The following MGAT4C variants were observed in gnomAD, a reference collection of about 807,000 sequenced individuals.
The protein encoded by MGAT4C is alpha-1,3-mannosyl-glycoprotein 4-beta-N-acetylglucosaminyltransferase C.
Under a neutral mutation model 40.1 loss-of-function variants are expected in MGAT4C, and 19 were observed. That is an observed-to-expected ratio of 0.47 (90% CI 0.33 to 0.70). The LOEUF is 0.70. Among genes scored for constraint, MGAT4C ranks in the 30% least tolerant of loss-of-function variants. The pLI is 0.02. For missense variants in MGAT4C, 491 were observed against 563.2 expected, an observed-to-expected ratio of 0.87 and a Z score of 1.30; for synonymous variants, 181 against 187.1, an observed-to-expected ratio of 0.97 and a Z score of 0.27.
rs376988175 is a variant in MGAT4C at position 86,676,316 on chromosome 12, T to G, written c.-229+50893A>C. ...CCTGTAGAGAACATGGTGGAAAGCA[T>G]GGAAAGCTTAATTTTAAATAATTAG... is the stretch of plus-strand genomic sequence containing the variant. On this transcript the variant is annotated intron_variant, in intron 2 of 7. Transcript: ENST00000548651. Among the ~76,000 whole-genome samples the G allele has an allele frequency of 3.9e-5, 6 of 152,188 alleles. No homozygotes were observed. In the South Asian group the frequency reaches 1.2e-3, roughly 31 times the overall value.
At chr12:86,039,338 C>T (rs1240130648) in intron 2 of MGAT4C, among the ~76,000 whole-genome samples, 2 of 152,180 alleles carry the variant, frequency 1.3e-5, no homozygotes, top group Non-Finnish European at 1.5e-5. Context: ...CCATTCTCCT[C>T]ATCACTTTCA....
intron 4 of MGAT4C, among the ~76,000 whole-genome samples, chr12:86,288,424 G>A (rs999188736): frequency 1.3e-5 from 2 of 152,112 alleles, no homozygotes; most frequent in African/African-American, 4.8e-5. Flanking sequence ...CTTTGCCCAT[G>A]CCTATGTCCT....
chr12:86,337,908 G>C, intron 3 of MGAT4C, among the ~76,000 whole-genome samples: 1 of 152,112 alleles, frequency 6.6e-6, no homozygotes, highest in East Asian at 1.9e-4. Context: ...TTTTATAAGA[G>C]AATTGTTTAA....
intron 1 of MGAT4C, among the ~76,000 whole-genome samples, chr12:86,169,795 C>A (rs1338970055): frequency 6.6e-6 from 1 of 152,116 alleles, no homozygotes; most frequent in Non-Finnish European, 1.5e-5. Flanking sequence ...GAGTATATTT[C>A]ACTCTCAAAA....
intron 2 of MGAT4C, among the ~76,000 whole-genome samples, chr12:86,693,650 A>G (rs1950208100): frequency 6.6e-6 from 1 of 152,176 alleles, no homozygotes. Context: ...TTTAGAAGCA[A>G]AGAAAATGTA....
At position 85,964,878 on chromosome 12, in the gene MGAT4C, C is replaced by T. The variant is rs1291053578; in HGVS notation, c.*14411G>A. The T allele has an allele frequency of 6.6e-6, 1 of 152,054 alleles. No homozygotes were observed. The highest frequency in any genetic ancestry group is 1.5e-5 in the Non-Finnish European group (1 of 68,018). 9.4% of individuals were successfully genotyped at this position (152,054 alleles called of 1,614,324 possible). A position where few individuals can be genotyped will look rare whatever the true frequency, so the allele number is the denominator to read the frequency against. On this transcript the variant is annotated 3_prime_UTR_variant, in exon 5 of 5. Transcript: ENST00000611864. ...CATCTGTGGGCTAATGTCTGAAAGTCCTATGATTAAACTCACTTTTATGTA... is the reference window on the plus strand; with the variant it reads ...CATCTGTGGGCTAATGTCTGAAAGTTCTATGATTAAACTCACTTTTATGTA...
chr12:86,510,828 C>A (rs1041514750), intron 2 of MGAT4C, among the ~76,000 whole-genome samples: 2 of 152,084 alleles, frequency 1.3e-5, no homozygotes, highest in Non-Finnish European at 2.9e-5. Flanking sequence ...CAGGAGCACC[C>A]AGATTCATAA....
At position 86,774,380 on chromosome 12, in the gene MGAT4C, GTC is replaced by G. The variant is rs1331653153; in HGVS notation, c.-261-47141_-261-47140del. ...CCTCTCTCTCTCTCTCTTTCTGTCT[GTC>G]TCTCTCTCTCTCTCCTCTCTCTCTC... On this transcript the variant is annotated intron_variant, in intron 1 of 7. Coordinates refer to the MGAT4C transcript ENST00000548651. 9.6e-5 allele frequency among the ~76,000 whole-genome samples: 5 copies of G among 52,356 alleles called. 1 individual carries two copies. Among genetic ancestry groups the G allele is most frequent in the South Asian group, 8.4e-4 (1 of 1,196 alleles). The allele number at this position is 52,356 out of a possible 152,430, so 34.3% of individuals were successfully genotyped here.
chr12:86,565,048 G>A (rs1010208648), intron 2 of MGAT4C, among the ~76,000 whole-genome samples: 1 of 152,150 alleles, frequency 6.6e-6, no homozygotes, highest in Non-Finnish European at 1.5e-5. Context: ...CTCTTCTTGA[G>A]AGACAGCTCT....
intron 1 of MGAT4C, among the ~76,000 whole-genome samples, chr12:86,145,241 A>G (rs1883356046): frequency 6.6e-6 from 1 of 152,200 alleles, no homozygotes; most frequent in Non-Finnish European, 1.5e-5. Context: ...TGGGAGATCC[A>G]ACATTAACAC....
chr12:86,673,556 TAATA>T lies in MGAT4C; in HGVS notation c.-229+53649_-229+53652del, dbSNP rs952263080. Among the ~76,000 whole-genome samples, 38 of 152,204 alleles carry T rather than the reference TAATA, an allele frequency of 2.5e-4. No individual in the cohort carries two copies. In the East Asian group the frequency reaches 5.6e-3, roughly 22 times the overall value. On this transcript the variant is annotated intron_variant, in intron 2 of 7. Transcript: ENST00000548651. ...TATGCATTTTAATATATGCATAACA[TAATA>T]ATATTTTATTATGATAATAACTAAT...
At chr12:85,995,046 C>A (rs1481593222) in intron 2 of MGAT4C, among the ~76,000 whole-genome samples, 2 of 152,214 alleles carry the variant, frequency 1.3e-5, no homozygotes, top group African/African-American at 4.8e-5. Flanking sequence ...AAAGTATTAA[C>A]ATTTTTACCC....
intron 2 of MGAT4C, among the ~76,000 whole-genome samples, chr12:86,674,093 A>G (rs1964331027): frequency 6.6e-6 from 1 of 152,144 alleles, no homozygotes; most frequent in Admixed American, 6.5e-5. Context: ...AGACAATTAA[A>G]CAACCACAAA....
At position 86,154,206 on chromosome 12, in the gene MGAT4C, C is replaced by G. The variant is rs527420670; in HGVS notation, c.-57+102033G>C. On this transcript the variant is annotated intron_variant, in intron 1 of 4. Transcript: ENST00000611864. ...CCTTGGACTGACCCAGTTCTCCCCC[C>G]ACCATTTCTTGCTTATAGTTCTCAA... Among the ~76,000 whole-genome samples the G allele has an allele frequency of 8.9e-4, 135 of 152,214 alleles. 1 individual carries two copies. The highest frequency in any genetic ancestry group is 3.2e-3 in the African/African-American group (133 of 41,534).
At chr12:86,218,202 A>C (rs986480396) in intron 1 of MGAT4C, among the ~76,000 whole-genome samples, 1 of 152,048 alleles carries the variant, frequency 6.6e-6, no homozygotes, top group African/African-American at 2.4e-5. Flanking sequence ...AAGAAAGTTA[A>C]ATCCTAATAG....
chr12:86,102,703 T>C (rs1875325521), intron 1 of MGAT4C, among the ~76,000 whole-genome samples: 1 of 152,140 alleles, frequency 6.6e-6, no homozygotes, highest in African/African-American at 2.4e-5. Context: ...AAAGATATCA[T>C]TCTAATATAA....
intron 2 of MGAT4C, chr12:86,002,293 G>T (rs906326386): frequency 6.6e-6 from 1 of 152,202 alleles, no homozygotes; most frequent in Admixed American, 6.6e-5. Context: ...GAGACATCCA[G>T]ATAGGTGCTT....
At chr12:86,769,986 C>T (rs890558292) in intron 1 of MGAT4C, among the ~76,000 whole-genome samples, 2 of 151,862 alleles carry the variant, frequency 1.3e-5, no homozygotes, top group Non-Finnish European at 1.5e-5. Flanking sequence ...ATATTGTGCA[C>T]ATGTACCCTA....
chr12:86,780,004 T>C (rs1765730433), intron 1 of MGAT4C, among the ~76,000 whole-genome samples: 1 of 151,910 alleles, frequency 6.6e-6, no homozygotes, highest in Non-Finnish European at 1.5e-5. Flanking sequence ...TGGCCAAAAT[T>C]AATGCAATAC....
Sources: allele counts gnomAD v4.1 joint callset (sites outside exome capture counted in the v4.1 genomes callset), GRCh38; gene constraint gnomAD v4.1.1; transcripts MANE v1.5; gene names NCBI Gene and HGNC (gene_info 2026-07-23, HGNC 2026-07-21).